The following SLC41A2 variants were observed in gnomAD, a reference collection of about 807,000 sequenced individuals.
SLC41A2 encodes solute carrier family 41 member 2.
In SLC41A2, 32 loss-of-function variants were observed where a neutral mutation model predicts 58.3. The ratio of observed to expected loss-of-function variants is 0.55; its 90% CI spans 0.41 to 0.74. The LOEUF (loss-of-function observed/expected upper bound fraction) is 0.74, where lower values mean the gene tolerates loss of function less well. SLC41A2 is among the 30% of genes least tolerant of loss of function. The pLI is 0.00. For missense variants in SLC41A2, 514 were observed against 680.6 expected, an observed-to-expected ratio of 0.76 and a Z score of 2.72; for synonymous variants, 190 against 235.0, an observed-to-expected ratio of 0.81 and a Z score of 1.75.
chr12:104,900,988 C>A (rs550123470), intron 3 of SLC41A2, among the ~76,000 whole-genome samples: 1 of 152,174 alleles, frequency 6.6e-6, no homozygotes. Flanking sequence ...CTGGCACACA[C>A]AGCAGTGCTT....
At chr12:104,918,549 GTTAC>G (rs1804697128) in intron 2 of SLC41A2, among the ~76,000 whole-genome samples, 1 of 143,874 alleles carries the variant, frequency 7.0e-6, no homozygotes, top group Non-Finnish European at 1.5e-5. Flanking sequence ...ATTATAGAGT[GTTAC>G]TTAGTTTTTG....
At position 104,928,591 on chromosome 12, in the gene SLC41A2, T is replaced by C; in HGVS notation, c.-64A>G. 1 of 1,029,798 alleles carries C rather than the reference T, an allele frequency of 9.7e-7. No homozygotes were observed. The highest frequency in any genetic ancestry group is 1.6e-5 in the African/African-American group (1 of 62,398). 63.8% of individuals were successfully genotyped at this position (1,029,798 alleles called of 1,614,324 possible). A position where few individuals can be genotyped will look rare whatever the true frequency, so the allele number is the denominator to read the frequency against. ...AGCTTCGGGAACCACAGCAGATGAA[T>C]CAGAACCGCACAAACACTGGTTTAA... On this transcript the variant is annotated 5_prime_UTR_variant, in exon 2 of 11. Coordinates refer to ENST00000258538, the MANE Select transcript of SLC41A2 (RefSeq NM_001352171.3).
intron 6 of SLC41A2, among the ~76,000 whole-genome samples, chr12:104,882,448 G>A (rs1265778505): frequency 2.6e-5 from 4 of 152,080 alleles, no homozygotes; most frequent in African/African-American, 9.7e-5. Flanking sequence ...TTTTTGCAGT[G>A]GCTGGTACTG....
intron 6 of SLC41A2, among the ~76,000 whole-genome samples, chr12:104,885,542 TG>T (rs2044614524): frequency 6.6e-6 from 1 of 152,226 alleles, no homozygotes; most frequent in Non-Finnish European, 1.5e-5. Flanking sequence ...TATATACTCA[TG>T]TTTTTTTCTT....
chr12:104,911,846 T>C (rs1385088117), intron 2 of SLC41A2, among the ~76,000 whole-genome samples: 1 of 152,184 alleles, frequency 6.6e-6, no homozygotes, highest in African/African-American at 2.4e-5. Flanking sequence ...GCACCCCAGA[T>C]TATTAGTCTT....
chr12:104,939,694 T>G (rs2047424424), intron 1 of SLC41A2, among the ~76,000 whole-genome samples: 1 of 152,210 alleles, frequency 6.6e-6, no homozygotes, highest in African/African-American at 2.4e-5. Flanking sequence ...CATTCCTAAT[T>G]ACTAAGGATG....
At chr12:104,858,511 G>A (rs2043096658) in intron 8 of SLC41A2, among the ~76,000 whole-genome samples, 1 of 152,148 alleles carries the variant, frequency 6.6e-6, no homozygotes, top group South Asian at 2.1e-4. Context: ...TGATAATGAT[G>A]AAGATAAACA....
Position 104,928,470 on chromosome 12 carries a change from C to G in SLC41A2, c.58G>C (p.Gly20Arg). 1 of 1,545,538 alleles carries G rather than the reference C, an allele frequency of 6.5e-7. No homozygotes were observed. Among genetic ancestry groups the G allele is most frequent in the East Asian group, 2.4e-5 (1 of 40,916 alleles). Residue 20 changes from glycine (G) to arginine (R), a missense_variant, in exon 2 of 11, where the codon GGA becomes CGA. Physicochemically the swap from Gly to Arg is moderately radical, Grantham distance 125. This residue lies in a region of SLC41A2 where 336 missense variants were observed against 430.0 expected (regional missense o/e 0.78). Transcript: ENST00000258538. The stretch of plus-strand genomic sequence containing the variant: ...AAAGTCCAATCTACAAAACCTCCTC[C>G]ACTACTTGGACCACCACTTGTTTTA... ...TDKTSGGPSS[G>R]GGFVDWTLRL...
chr12:104,901,136 AG>A (rs2045540454), intron 3 of SLC41A2, among the ~76,000 whole-genome samples: 1 of 152,216 alleles, frequency 6.6e-6, no homozygotes, highest in Non-Finnish European at 1.5e-5. Context: ...TGCCTACAGT[AG>A]AAAAGGACTA....
intron 10 of SLC41A2, among the ~76,000 whole-genome samples, chr12:104,830,915 A>T (rs778008184): frequency 6.6e-6 from 1 of 152,240 alleles, no homozygotes; most frequent in Non-Finnish European, 1.5e-5. Flanking sequence ...CTTTGTACTT[A>T]CATAATCATA....
chr12:104,805,157 C>G lies in SLC41A2; in HGVS notation c.1717G>C (p.Asp573His). The G allele has an allele frequency of 1.9e-6, 3 of 1,607,400 alleles. No homozygotes were observed. Among genetic ancestry groups the G allele is most frequent in the Non-Finnish European group, 2.5e-6 (3 of 1,177,168 alleles). ...LIGDRDGDVGD is the reference protein window; with the variant it reads ...LIGDRDGDVGH ...AGAGCAGTTTGTAGAATTTATTAGT[C>G]TCCAACATCTCCATCTCGATCTCCA... is the stretch of plus-strand genomic sequence containing the variant. The change falls in exon 11 of 11, where the codon GAC (aspartate) becomes CAC (histidine). Residue 573 changes from aspartate to histidine, a missense_variant. This residue lies in a region of SLC41A2 where 128 missense variants were observed against 146.0 expected (regional missense o/e 0.88). Coordinates refer to ENST00000258538, the MANE Select transcript of SLC41A2 (RefSeq NM_001352171.3).
intron 6 of SLC41A2, among the ~76,000 whole-genome samples, chr12:104,878,346 G>T (rs1156908925): frequency 1.4e-5 from 2 of 143,504 alleles, no homozygotes; most frequent in African/African-American, 2.6e-5. Context: ...AAGTTCTAGG[G>T]TACTTGTGCA....
At chr12:104,920,999 A>G (rs1439242511) in intron 2 of SLC41A2, among the ~76,000 whole-genome samples, 2 of 151,982 alleles carry the variant, frequency 1.3e-5, no homozygotes, top group Non-Finnish European at 2.9e-5. Context: ...TGTGGTCCCA[A>G]CTACTTAGGA....
intron 7 of SLC41A2, 34 bp from the exon 8 acceptor site, chr12:104,861,404 A>G: frequency 1.4e-6 from 2 of 1,480,524 alleles, no homozygotes; most frequent in Non-Finnish European, 1.9e-6. Context: ...TTTAGAGAAG[A>G]GGGAAGAGAA....
At chr12:104,875,851 T>C (rs939488227) in intron 6 of SLC41A2, among the ~76,000 whole-genome samples, 3 of 152,152 alleles carry the variant, frequency 2.0e-5, no homozygotes, top group Non-Finnish European at 4.4e-5. Context: ...TCTAGTTCTA[T>C]GTTTTTGGAA....
chr12:104,914,952 C>G (rs1213907679), intron 2 of SLC41A2, among the ~76,000 whole-genome samples: 27 of 152,170 alleles, frequency 1.8e-4, no homozygotes, highest in Non-Finnish European at 2.9e-5. Flanking sequence ...GCAGCTAGTG[C>G]CAAAAATAAT....
chr12:104,893,321 T>C (rs2045110124), intron 4 of SLC41A2, among the ~76,000 whole-genome samples: 1 of 152,094 alleles, frequency 6.6e-6, no homozygotes, highest in Admixed American at 6.5e-5. Flanking sequence ...CTCACCCCAG[T>C]TAAAATGGCT....
At chr12:104,896,370 T>C (rs1318070244) in intron 3 of SLC41A2, among the ~76,000 whole-genome samples, 1 of 152,202 alleles carries the variant, frequency 6.6e-6, no homozygotes, top group Admixed American at 6.5e-5. Context: ...TAATTATTAA[T>C]GCAGTCTTTA....
intron 6 of SLC41A2, among the ~76,000 whole-genome samples, chr12:104,879,739 A>G (rs1231085856): frequency 6.6e-6 from 1 of 152,132 alleles, no homozygotes; most frequent in African/African-American, 2.4e-5. Context: ...TGACGCCTCC[A>G]GCTTTGTTCT....
Sources: allele counts gnomAD v4.1 joint callset (sites outside exome capture counted in the v4.1 genomes callset), GRCh38; gene constraint gnomAD v4.1.1; regional missense constraint gnomAD v4.1.1; transcripts MANE v1.5; gene names NCBI Gene and HGNC (gene_info 2026-07-23, HGNC 2026-07-21).